The following LCOR variants were observed in gnomAD, a reference collection of about 807,000 sequenced individuals.
LCOR encodes ligand dependent nuclear receptor corepressor.
LCOR carries 14 observed loss-of-function variants against 64.4 expected under a neutral mutation model. The observed-to-expected ratio is 0.22, with a 90% CI of 0.14 to 0.34. LCOR has a LOEUF of 0.34. Among genes scored for constraint, LCOR ranks in the 10% least tolerant of loss-of-function variants. The probability of loss-of-function intolerance (pLI) is 1.00; values close to 1 mark genes in which losing one functional copy is unlikely to be tolerated. For missense variants in LCOR, 1,686 were observed against 1,765.3 expected, an observed-to-expected ratio of 0.96 and a Z score of 0.80; for synonymous variants, 643 against 642.5, an observed-to-expected ratio of 1.00 and a Z score of -0.01.
rs1354854263 is a variant in LCOR, at chr10:96,987,225, T to A, written c.*2091T>A. On this transcript the variant is annotated 3_prime_UTR_variant, in exon 8 of 8. Coordinates refer to ENST00000421806, the MANE Select transcript of LCOR (RefSeq NM_001346516.2). ...GTTCATTTAATCTTAAAAAATGGTT[T>A]TAAGGTTTTAAAAATGTCTTTTCAT... The A allele has an allele frequency of 6.6e-6, 1 of 152,244 alleles. No homozygotes were observed. The highest frequency in any genetic ancestry group is 1.5e-5 in the Non-Finnish European group (1 of 68,048). The allele number at this position is 152,244 out of a possible 1,614,324, so 9.4% of individuals were successfully genotyped here.
At chr10:96,946,734 CTG>C (rs1847595705) in intron 5 of LCOR, among the ~76,000 whole-genome samples, 1 of 152,104 alleles carries the variant, frequency 6.6e-6, no homozygotes, top group South Asian at 2.1e-4. Flanking sequence ...TGTCTCATGA[CTG>C]TGTTTTCATT....
At position 96,908,367 on chromosome 10, in the gene LCOR, G is replaced by A. The variant is rs79336028; in HGVS notation, c.-184+620G>A. Among the ~76,000 whole-genome samples, 3,152 of 152,240 alleles carry A rather than the reference G, an allele frequency of 0.021. 194 individuals are homozygous for A. The East Asian group carries it at 0.21, about 10-fold the overall frequency. On this transcript the variant is annotated intron_variant, in intron 4 of 7. Coordinates refer to ENST00000421806, the MANE Select transcript of LCOR (RefSeq NM_001346516.2). ...AAACTGTTGTGTTTATTTAAAAAAT[G>A]AAATGTGTGGTAATTCAAGTAATGG...
chr10:96,987,446 A>C lies in LCOR; in HGVS notation c.*2312A>C, dbSNP rs1848157685. 1 of 152,200 alleles carries C rather than the reference A, an allele frequency of 6.6e-6. No individual in the cohort carries two copies. Among genetic ancestry groups the C allele is most frequent in the Non-Finnish European group, 1.5e-5 (1 of 68,042 alleles). The allele number at this position is 152,200 out of a possible 1,614,324, so 9.4% of individuals were successfully genotyped here. On this transcript the variant is annotated 3_prime_UTR_variant, in exon 8 of 8. Transcript: ENST00000421806. ...TTTTCCAGTTCCAAGTTTGTAATTC[A>C]TTCCATTCCTTTTCTAAGTTCTTTT...
intron 4 of LCOR, among the ~76,000 whole-genome samples, chr10:96,919,380 C>T (rs935883926): frequency 1.3e-5 from 2 of 151,978 alleles, no homozygotes; most frequent in African/African-American, 4.8e-5. Flanking sequence ...TTTGTTCTTT[C>T]CCCTCAATTA....
chr10:96,880,136 T>C (rs1473602451), intron 2 of LCOR, among the ~76,000 whole-genome samples: 2 of 152,212 alleles, frequency 1.3e-5, no homozygotes, highest in East Asian at 1.9e-4. Flanking sequence ...CATTCAGGTA[T>C]TGGTTTTGCT....
Position 96,922,425 on chromosome 10 carries a change from A to C in LCOR, c.-184+14678A>C, listed in dbSNP as rs551804032. Among the ~76,000 whole-genome samples the C allele has an allele frequency of 1.6e-4, 24 of 152,334 alleles. No individual in the cohort carries two copies. In the South Asian group the frequency reaches 5.0e-3, roughly 32 times the overall value. ...TAATGACTATTGCTGTCAGAATAGT[A>C]GAAAGTCCTATAGGAATTTAGAAAA... On this transcript the variant is annotated intron_variant, in intron 4 of 7. Coordinates refer to ENST00000421806, the MANE Select transcript of LCOR (RefSeq NM_001346516.2).
chr10:96,894,913 C>T (rs1485533442), intron 2 of LCOR, among the ~76,000 whole-genome samples: 3 of 152,136 alleles, frequency 2.0e-5, no homozygotes, highest in Admixed American at 2.0e-4. Flanking sequence ...TGAGTACTTA[C>T]CATCAAGTTG....
intron 2 of LCOR, among the ~76,000 whole-genome samples, chr10:96,849,009 ATGT>A (rs1379457299): frequency 5.1e-5 from 3 of 58,914 alleles, no homozygotes; most frequent in Non-Finnish European, 4.6e-5. Context: ...TGAGTTGAAA[ATGT>A]TTTTTTTTTT....
chr10:96,983,706 C>T lies in LCOR; in HGVS notation c.3246C>T (p.Pro1082=), dbSNP rs765864807. The T allele has an allele frequency of 1.2e-6, 2 of 1,614,080 alleles. No individual in the cohort carries two copies. The highest frequency in any genetic ancestry group is 2.2e-5 in the East Asian group (1 of 44,880). ...ATGGAGCTTCAGAGAGTGGAGACCCCCTAGATGAGGACGATGTTGACACCG... is the reference window on the plus strand; with the variant it reads ...ATGGAGCTTCAGAGAGTGGAGACCCTCTAGATGAGGACGATGTTGACACCG... ...KENGASESGD[P]LDEDDVDTVV... Residue 1082 remains proline, a synonymous_variant, in exon 8 of 8, where the codon CCC becomes CCT. Coordinates refer to ENST00000421806, the MANE Select transcript of LCOR (RefSeq NM_001346516.2). The surrounding 1 kb of genome is among the most constrained non-coding windows in gnomAD (Gnocchi z 4.5).
chr10:96,925,446 T>TAAA (rs1847152419), intron 4 of LCOR, among the ~76,000 whole-genome samples: 2 of 152,200 alleles, frequency 1.3e-5, no homozygotes, highest in African/African-American at 2.4e-5. Context: ...TTTCTCTTAA[T>TAAA]TTAGGTTTTT....
intron 4 of LCOR, among the ~76,000 whole-genome samples, chr10:96,930,906 C>G (rs1847248549): frequency 1.3e-5 from 2 of 152,130 alleles, no homozygotes; most frequent in African/African-American, 2.4e-5. Context: ...AGGTTCCAGA[C>G]TGTGAGAAAA....
At chr10:96,930,499 T>A (rs1302780435) in intron 4 of LCOR, among the ~76,000 whole-genome samples, 1 of 152,226 alleles carries the variant, frequency 6.6e-6, no homozygotes, top group African/African-American at 2.4e-5. Flanking sequence ...GGTATTTCAG[T>A]TTACATAGTT....
At chr10:96,860,768 A>G (rs552076797) in intron 2 of LCOR, among the ~76,000 whole-genome samples, 2 of 152,340 alleles carry the variant, frequency 1.3e-5, no homozygotes, top group African/African-American at 4.8e-5. Flanking sequence ...ATTTTAGTCT[A>G]TAGTTACAGT....
intron 4 of LCOR, among the ~76,000 whole-genome samples, chr10:96,916,055 G>T (rs1257364772): frequency 6.6e-6 from 1 of 151,882 alleles, no homozygotes. Context: ...ATTTAGAGAC[G>T]GAGTCTCGTT....
intron 4 of LCOR, among the ~76,000 whole-genome samples, chr10:96,940,149 ATG>A (rs1847424923): frequency 6.6e-6 from 1 of 152,238 alleles, no homozygotes; most frequent in African/African-American, 2.4e-5. Flanking sequence ...GTTCATGAGT[ATG>A]TGGAGAAGTC....
In LCOR at chr10:96,949,228, C is replaced by A; in HGVS notation, c.171C>A (p.Leu57=). The A allele has an allele frequency of 6.2e-7, 1 of 1,614,134 alleles. No homozygotes were observed. The highest frequency in any genetic ancestry group is 8.5e-7 in the Non-Finnish European group (1 of 1,180,006). ...AGAACCCTGTGCTCAGCAAACTTCT[C>A]ATGGCTGACCAAGACTCACCTCTGG... ...TTQNPVLSKL[L]MADQDSPLDL... Residue 57 remains leucine, a synonymous_variant, in exon 6 of 8, where the codon CTC becomes CTA. Coordinates refer to ENST00000421806, the MANE Select transcript of LCOR (RefSeq NM_001346516.2).
chr10:96,890,739 C>T (rs1365628826), intron 2 of LCOR, among the ~76,000 whole-genome samples: 1 of 152,108 alleles, frequency 6.6e-6, no homozygotes, highest in Non-Finnish European at 1.5e-5. Context: ...GATTGTTGAG[C>T]GTTTTTATCA....
chr10:96,847,541 A>G (rs1208056298), intron 2 of LCOR, among the ~76,000 whole-genome samples: 1 of 152,084 alleles, frequency 6.6e-6, no homozygotes, highest in African/African-American at 2.4e-5. Flanking sequence ...CTCCCAGGTT[A>G]AGCAATTCTC....
chr10:96,889,091 A>G (rs1846396023), intron 2 of LCOR, among the ~76,000 whole-genome samples: 2 of 152,338 alleles, frequency 1.3e-5, no homozygotes, highest in South Asian at 4.1e-4. Context: ...CATTACCACT[A>G]TCTAATTGTA....
Sources: gnomAD v4.1 joint callset for allele counts (sites outside exome capture counted in the v4.1 genomes callset) on GRCh38, gnomAD v4.1.1 for gene constraint, Gnocchi (gnomAD v3.1) non-coding constraint, MANE v1.5 for transcripts, NCBI Gene and HGNC (gene_info 2026-07-23, HGNC 2026-07-21) for gene names.